FSTL5: variants seen among roughly 807,000 people sequenced by gnomAD.
FSTL5 encodes follistatin like 5, also known as follistatin-related protein 5.
A neutral mutation model predicts 89.1 loss-of-function variants in FSTL5; 62 were observed. That is an observed-to-expected ratio of 0.70 (90% CI 0.57 to 0.86). The LOEUF (loss-of-function observed/expected upper bound fraction) is 0.86. Among genes scored for constraint, FSTL5 ranks in the 40% least tolerant of loss-of-function variants. The pLI is 0.00. For missense variants in FSTL5, 1,057 were observed against 1,001.6 expected, an observed-to-expected ratio of 1.06 and a Z score of -0.75; for synonymous variants, 383 against 346.2, an observed-to-expected ratio of 1.11 and a Z score of -1.18.
At chr4:161,925,800 T>C (rs908531682) in intron 3 of FSTL5, among the ~76,000 whole-genome samples, 1 of 151,834 alleles carries the variant, frequency 6.6e-6, no homozygotes, top group Non-Finnish European at 1.5e-5. Flanking sequence ...GTTATTATTA[T>C]AAGCATTGGA....
intron 4 of FSTL5, among the ~76,000 whole-genome samples, chr4:161,856,168 G>GA (rs1331520254): frequency 6.6e-6 from 1 of 152,002 alleles, no homozygotes; most frequent in Non-Finnish European, 1.5e-5. Flanking sequence ...GTTCAATTTT[G>GA]AAAATTAGAC....
chr4:162,096,162 G>A lies in FSTL5; in HGVS notation c.126+15109C>T, dbSNP rs544684086. ...TTCCAAATATTTAATTTGCTATCCT[G>A]AAAAAAATTTTTGAATCATCCTCAA... On this transcript the variant is annotated intron_variant, in intron 2 of 15. Transcript: ENST00000306100. Among the ~76,000 whole-genome samples, 306 of 151,774 alleles carry A rather than the reference G, an allele frequency of 2.0e-3. 2 individuals carry two copies. Among genetic ancestry groups the A allele is most frequent in the African/African-American group, 7.0e-3 (291 of 41,476 alleles).
chr4:161,841,964 T>G (rs751323293), intron 4 of FSTL5, among the ~76,000 whole-genome samples: 3 of 152,138 alleles, frequency 2.0e-5, no homozygotes, highest in Non-Finnish European at 4.4e-5. Context: ...ACAGTGAGCT[T>G]CAGGGAAAAC....
chr4:161,608,701 T>C (rs1734539797), intron 7 of FSTL5, among the ~76,000 whole-genome samples: 1 of 152,068 alleles, frequency 6.6e-6, no homozygotes, highest in Non-Finnish European at 1.5e-5. Context: ...TAAAATATTT[T>C]ACACCTCAGC....
At chr4:161,619,927 T>C (rs1735054820) in intron 7 of FSTL5, among the ~76,000 whole-genome samples, 1 of 151,780 alleles carries the variant, frequency 6.6e-6, no homozygotes, top group South Asian at 2.1e-4. Context: ...TAGCAAAGAC[T>C]TGGAACCAAC....
At chr4:161,929,131 C>A (rs547251080) in intron 3 of FSTL5, among the ~76,000 whole-genome samples, 4 of 151,584 alleles carry the variant, frequency 2.6e-5, no homozygotes, top group Admixed American at 6.6e-5. Context: ...TCCCTCCCTC[C>A]CTCTGTTGCT....
At chr4:161,676,755 A>T (rs57936107) in intron 6 of FSTL5, among the ~76,000 whole-genome samples, 2,547 of 151,970 alleles carry the variant, frequency 0.017, 60 homozygotes, top group African/African-American at 0.058. Flanking sequence ...ACGCACACAC[A>T]CACACACACA....
intron 11 of FSTL5, among the ~76,000 whole-genome samples, chr4:161,505,429 T>A (rs932053793): frequency 2.0e-5 from 3 of 152,182 alleles, no homozygotes; most frequent in Non-Finnish European, 4.4e-5. Context: ...AAGCTCTTTT[T>A]TAGGCCCTGT....
intron 1 of FSTL5, among the ~76,000 whole-genome samples, chr4:162,148,179 T>C (rs1339418658): frequency 1.3e-5 from 2 of 152,168 alleles, no homozygotes; most frequent in Middle Eastern, 3.2e-3. Flanking sequence ...AATAAATATA[T>C]TAACATTGAA....
chr4:162,161,589 T>A (rs1733697513), intron 1 of FSTL5, among the ~76,000 whole-genome samples: 2 of 152,110 alleles, frequency 1.3e-5, no homozygotes, highest in Non-Finnish European at 1.5e-5. Context: ...AATTTCATCT[T>A]AAAGAATTCC....
At chr4:162,070,783 G>T (rs1729587669) in intron 2 of FSTL5, among the ~76,000 whole-genome samples, 1 of 151,664 alleles carries the variant, frequency 6.6e-6, no homozygotes, top group South Asian at 2.1e-4. Flanking sequence ...GAACCTGCTA[G>T]CCAAGAATTC....
chr4:161,521,538 T>C (rs1473638422), intron 10 of FSTL5, among the ~76,000 whole-genome samples: 1 of 152,000 alleles, frequency 6.6e-6, no homozygotes, highest in African/African-American at 2.4e-5. Flanking sequence ...GTAACATCAA[T>C]ATCTAAGCCT....
chr4:161,435,977 G>A (rs1216682323), intron 15 of FSTL5, among the ~76,000 whole-genome samples: 1 of 152,024 alleles, frequency 6.6e-6, no homozygotes, highest in Non-Finnish European at 1.5e-5. Flanking sequence ...GGCTTTATAT[G>A]TGTTATTTTC....
At chr4:161,532,799 T>G (rs1731463869) in intron 10 of FSTL5, among the ~76,000 whole-genome samples, 1 of 152,128 alleles carries the variant, frequency 6.6e-6, no homozygotes, top group Middle Eastern at 3.2e-3. Context: ...TTCTTCTCTT[T>G]TGCCCATGGA....
intron 15 of FSTL5, among the ~76,000 whole-genome samples, chr4:161,432,683 C>A (rs144107656): frequency 6.6e-6 from 1 of 150,540 alleles, no homozygotes; most frequent in African/African-American, 2.4e-5. Context: ...AAATCTTTAG[C>A]CAGATTAGGG....
intron 4 of FSTL5, among the ~76,000 whole-genome samples, chr4:161,820,249 C>T (rs1210936800): frequency 6.6e-6 from 1 of 151,978 alleles, no homozygotes; most frequent in Non-Finnish European, 1.5e-5. Flanking sequence ...TCATGTGTTC[C>T]ATATTTTCCA....
intron 3 of FSTL5, among the ~76,000 whole-genome samples, chr4:162,021,390 C>A (rs1737080132): frequency 6.6e-6 from 1 of 152,168 alleles, no homozygotes; most frequent in African/African-American, 2.4e-5. Flanking sequence ...AGTATTTAAT[C>A]TCCAAGACTC....
At chr4:161,435,509 TTG>T (rs1057268603) in intron 15 of FSTL5, among the ~76,000 whole-genome samples, 60 of 129,766 alleles carry the variant, frequency 4.6e-4, no homozygotes, top group Non-Finnish European at 9.2e-5. Flanking sequence ...AATCTAGTAT[TTG>T]ATAGCACAAC....
chr4:161,965,008 A>G (rs1484292161), intron 3 of FSTL5, among the ~76,000 whole-genome samples: 1 of 152,148 alleles, frequency 6.6e-6, no homozygotes, highest in African/African-American at 2.4e-5. Flanking sequence ...AAGGACCTAG[A>G]GTTGATATAA....
Sources: gnomAD v4.1 joint callset for allele counts (sites outside exome capture counted in the v4.1 genomes callset) on GRCh38, gnomAD v4.1.1 for gene constraint, MANE v1.5 for transcripts, NCBI Gene and HGNC (gene_info 2026-07-23, HGNC 2026-07-21) for gene names.